The following ZNF106 variants were observed in gnomAD, a reference collection of about 807,000 sequenced individuals.
ZNF106 encodes zinc finger protein 106.
A neutral mutation model predicts 195.1 loss-of-function variants in ZNF106; 67 were observed. The observed-to-expected ratio is 0.34, with a 90% CI of 0.28 to 0.42. ZNF106 has a LOEUF of 0.42. Ranked by LOEUF, ZNF106 falls within the 10% of genes least tolerant of loss-of-function variation. The probability of loss-of-function intolerance (pLI) is 1.00; values close to 1 mark genes in which losing one functional copy is unlikely to be tolerated. For missense variants in ZNF106, 2,118 were observed against 2,304.5 expected, an observed-to-expected ratio of 0.92 and a Z score of 1.66; for synonymous variants, 784 against 818.6, an observed-to-expected ratio of 0.96 and a Z score of 0.72.
At chr15:42,423,953 A>G (rs2054761623) in intron 17 of ZNF106, 45 bp downstream of exon 17, 1 of 1,553,276 alleles carries the variant, frequency 6.4e-7, no homozygotes, top group African/African-American at 1.4e-5. Context: ...AGCTTTAACC[A>G]TTATTTTATT....
intron 7 of ZNF106, 27 bp downstream of exon 7, chr15:42,446,558 CTTCT>C (rs1761469533): frequency 1.9e-6 from 3 of 1,559,818 alleles, no homozygotes; most frequent in African/African-American, 2.7e-5. Context: ...AAAACACCAA[CTTCT>C]TTCTTCCAAA....
intron 2 of ZNF106, among the ~76,000 whole-genome samples, chr15:42,467,895 G>A (rs2056558661): frequency 6.6e-6 from 1 of 152,088 alleles, no homozygotes; most frequent in Non-Finnish European, 1.5e-5. Context: ...TTCAAACCCA[G>A]GCAGATCTGA....
intron 1 of ZNF106, among the ~76,000 whole-genome samples, chr15:42,488,232 T>C (rs1021415096): frequency 1.3e-5 from 2 of 152,154 alleles, no homozygotes; most frequent in African/African-American, 4.8e-5. Context: ...GTATATGCAA[T>C]ACATAATATT....
rs1297301178 is a variant in ZNF106, at chr15:42,417,868, C to T, written c.5601G>A (p.Gln1867=). The T allele has an allele frequency of 6.2e-7, 1 of 1,614,032 alleles. No individual in the cohort carries two copies. The highest frequency in any genetic ancestry group is 1.3e-5 in the African/African-American group (1 of 75,012). Residue 1867 remains glutamine, a synonymous_variant, in exon 21 of 22, where the codon CAG becomes CAA. Transcript: ENST00000564754. ...LLTDHTNPNF[Q]TLKCRWKNCD... The stretch of plus-strand genomic sequence containing the variant: ...AGTTCTTCCAGCGACATTTCAGAGT[C>T]TGGAAGTTGGGATTAGTGTGGTCGG...
intron 4 of ZNF106, among the ~76,000 whole-genome samples, 198 bp downstream of exon 4, chr15:42,456,760 C>T (rs769584293): frequency 5.3e-5 from 8 of 151,944 alleles, no homozygotes; most frequent in Non-Finnish European, 1.0e-4. Context: ...AGGAACAATA[C>T]TAAGTTTGCT....
At chr15:42,474,756 AAG>A (rs2056751284) in intron 1 of ZNF106, among the ~76,000 whole-genome samples, 1 of 152,164 alleles carries the variant, frequency 6.6e-6, no homozygotes, top group Non-Finnish European at 1.5e-5. Flanking sequence ...TATAAAAAGA[AAG>A]AAAGAAAGAA....
chr15:42,420,911 C>A (rs1219320455), intron 20 of ZNF106, 150 bp downstream of exon 20: 2 of 670,546 alleles, frequency 3.0e-6, no homozygotes, highest in Non-Finnish European at 5.2e-6. Context: ...AAAACCACCA[C>A]CGAGGAGACA....
intron 17 of ZNF106, 139 bp downstream of exon 17, chr15:42,423,859 G>A: frequency 3.0e-6 from 2 of 675,894 alleles, no homozygotes; most frequent in Non-Finnish European, 2.4e-6. Flanking sequence ...TATTATCCAA[G>A]AGCATATGCA....
chr15:42,463,753 T>C (rs139521435), intron 3 of ZNF106, among the ~76,000 whole-genome samples: 126 of 152,248 alleles, frequency 8.3e-4, no homozygotes, highest in African/African-American at 2.4e-3. Context: ...TCAGCTGTGA[T>C]CGTGCCACGG....
Position 42,466,106 on chromosome 15 carries a change from G to A in ZNF106, c.63C>T (p.Asp21=), listed in dbSNP as rs1438832701. The A allele has an allele frequency of 6.5e-6, 10 of 1,530,158 alleles. No homozygotes were observed. In the East Asian group the frequency reaches 7.4e-5, roughly 11 times the overall value. 94.8% of individuals were successfully genotyped at this position (1,530,158 alleles called of 1,614,324 possible). A position where few individuals can be genotyped will look rare whatever the true frequency, so the allele number is the denominator to read the frequency against. Residue 21 remains aspartate (D), a synonymous_variant, in exon 3 of 22, where the codon GAC becomes GAT. Coordinates refer to ENST00000564754, the MANE Select transcript of ZNF106 (RefSeq NM_001366845.3). Reference sequence around the variant, plus strand: ...GATGCAACATGCTCCGCATGTGTTCGTCCATCTCCTTCAAAATAAAAGAAA... The same window carrying A: ...GATGCAACATGCTCCGCATGTGTTCATCCATCTCCTTCAAAATAAAAGAAA... ...HIVYSSKKEM[D]EHMRSMLHHR...
Position 42,450,890 on chromosome 15 carries a change from G to C in ZNF106, c.1382C>G (p.Pro461Arg), listed in dbSNP as rs900046487. 2 of 1,614,194 alleles carry C rather than the reference G, an allele frequency of 1.2e-6. No individual in the cohort carries two copies. Among genetic ancestry groups the C allele is most frequent in the Non-Finnish European group, 1.7e-6 (2 of 1,180,036 alleles). Reference protein sequence around the residue: ...VVRQCPTAEKPEQEHTPNKMP... With the variant: ...VVRQCPTAEKREQEHTPNKMP... ...TTTATTTGGTGTATGCTCTTGTTCA[G>C]GTTTTTCTGCAGTGGGGCACTGTCT... The change falls in exon 5 of 22, where the codon CCT (proline) becomes CGT (arginine). Residue 461 changes from proline (P) to arginine (R), a missense_variant. Pro to Arg is a moderately radical substitution (Grantham distance 103, BLOSUM62 -2). Coordinates refer to ENST00000564754, the MANE Select transcript of ZNF106 (RefSeq NM_001366845.3).
intron 6 of ZNF106, among the ~76,000 whole-genome samples, chr15:42,446,988 T>C (rs1218838592): frequency 6.6e-6 from 1 of 152,186 alleles, no homozygotes; most frequent in African/African-American, 2.4e-5. Flanking sequence ...TATATCTGAT[T>C]TATAACTTGG....
intron 1 of ZNF106, among the ~76,000 whole-genome samples, chr15:42,487,457 C>T (rs2057041957): frequency 7.8e-6 from 1 of 128,642 alleles, no homozygotes; most frequent in African/African-American, 3.1e-5. Context: ...TGCCACTGTA[C>T]TTCAGCCTAG....
chr15:42,448,205 T>C lies in ZNF106; in HGVS notation c.3002A>G (p.Asn1001Ser), dbSNP rs1275038268. ...QNSQESNGEGNCLSSSASSAL... is the reference protein window; with the variant it reads ...QNSQESNGEGSCLSSSASSAL... The stretch of plus-strand genomic sequence containing the variant: ...TGAGGATGCGCTTGATGACAGACAG[T>C]TTCCCTCTCCATTACTCTCCTGGGA... Residue 1001 changes from asparagine to serine, a missense_variant, in exon 6 of 22, where the codon AAC becomes AGC. By Grantham distance (46) the Asn-to-Ser change is conservative. Coordinates refer to ENST00000564754, the MANE Select transcript of ZNF106 (RefSeq NM_001366845.3). 7 of 1,614,022 alleles carry C rather than the reference T, an allele frequency of 4.3e-6. No homozygotes were observed. The highest frequency in any genetic ancestry group is 3.3e-5 in the Admixed American group (2 of 59,994).
In ZNF106 at chr15:42,413,455, A is replaced by G. The variant is rs2054338201; in HGVS notation, c.*3849T>C. ...AAACAAAATTTAGATGTAAGCATAA[A>G]CTGCAGTTATTTGAGCAAACCAGAG... On this transcript the variant is annotated 3_prime_UTR_variant, in exon 22 of 22. Transcript: ENST00000564754. The G allele has an allele frequency of 6.6e-6, 1 of 152,586 alleles. No individual in the cohort carries two copies. Among genetic ancestry groups the G allele is most frequent in the Non-Finnish European group, 1.5e-5 (1 of 68,042 alleles). 9.5% of individuals were successfully genotyped at this position (152,586 alleles called of 1,614,324 possible).
intron 15 of ZNF106, chr15:42,425,732 CT>C (rs1401399056): frequency 6.6e-6 from 1 of 152,202 alleles, no homozygotes; most frequent in African/African-American, 2.4e-5. Flanking sequence ...AACTCCTAAC[CT>C]CAGGTGATCT....
chr15:42,435,329 T>C, intron 14 of ZNF106, 55 bp downstream of exon 14: 1 of 1,610,118 alleles, frequency 6.2e-7, no homozygotes. Context: ...CTCCACACAG[T>C]AAATACAAAG....
Position 42,413,376 on chromosome 15 carries a change from T to A in ZNF106, c.*3928A>T, listed in dbSNP as rs1265812261. ...GGGCAGGGATAAAACCATTATTTTATAAATGTGGCAGGTATGGCCTTCGTA... is the reference window on the plus strand; with the variant it reads ...GGGCAGGGATAAAACCATTATTTTAAAAATGTGGCAGGTATGGCCTTCGTA... On this transcript the variant is annotated 3_prime_UTR_variant, in exon 22 of 22. Transcript: ENST00000564754. 6.6e-6 allele frequency: 1 copy of A among 152,216 alleles called. No individual in the cohort carries two copies. Among genetic ancestry groups the A allele is most frequent in the Non-Finnish European group, 1.5e-5 (1 of 68,026 alleles). The allele number at this position is 152,216 out of a possible 1,614,324, so 9.4% of individuals were successfully genotyped here. A position where few individuals can be genotyped will look rare whatever the true frequency, so the allele number is the denominator to read the frequency against.
intron 2 of ZNF106, among the ~76,000 whole-genome samples, chr15:42,468,433 G>A (rs986961009): frequency 2.0e-4 from 30 of 151,806 alleles, no homozygotes; most frequent in African/African-American, 7.3e-4. Flanking sequence ...TTCCTTCCTA[G>A]CTCTACAGAT....
Sources: gnomAD v4.1 joint callset for allele counts (sites outside exome capture counted in the v4.1 genomes callset) on GRCh38, gnomAD v4.1.1 for gene constraint, MANE v1.5 for transcripts, NCBI Gene and HGNC (gene_info 2026-07-23, HGNC 2026-07-21) for gene names.